Variants in SLC5A4 observed in about 807,000 individuals in gnomAD.
The protein encoded by SLC5A4 is solute carrier family 5 member 4, also known as probable glucose sensor protein SLC5A4.
Under a neutral mutation model 70.3 loss-of-function variants are expected in SLC5A4, and 55 were observed. That is an observed-to-expected ratio of 0.78 (90% confidence interval 0.63 to 0.98). The LOEUF is 0.98. SLC5A4 is among the 50% of genes least tolerant of loss of function. The pLI, the probability that SLC5A4 is intolerant of heterozygous loss-of-function variation, is 0.00. For synonymous variants in SLC5A4, 268 were observed against 305.7 expected (o/e 0.88, Z 1.29); for missense variants, 735 against 839.2 (o/e 0.88, Z 1.53).
the SLC5A4 span, among the ~76,000 whole-genome samples, chr22:32,339,202 G>T: frequency 1.3e-5 from 2 of 152,240 alleles, no homozygotes; most frequent in Non-Finnish European, 2.9e-5. Context: ...GTAGCTGCGT[G>T]TGAGTGGGAT....
At chr22:32,302,081 T>C in the SLC5A4 span, among the ~76,000 whole-genome samples, 1 of 152,134 alleles carries the variant, frequency 6.6e-6, no homozygotes, top group Non-Finnish European at 1.5e-5. Context: ...TAGGCAATGG[T>C]TTCTTAGATA....
rs62239058 is a variant in SLC5A4 at position 32,247,473 on chromosome 22, C to A, written c.415G>T (p.Glu139Ter). 0.013 allele frequency: 21,608 copies of A among 1,613,390 alleles called. 206 individuals carry two copies. The highest frequency in any genetic ancestry group is 0.026 in the South Asian group (2,409 of 91,052). ...PEYLKKRFGGERLQVYLSILS... is the reference protein window; with the variant it reads ...PEYLKKRFGG Reference sequence around the variant, plus strand: ...ATGGAGAGGTAGACCTGGAGTCGCTCCCCACCAAACCGCTTCTTGAGATAT... The same window carrying A: ...ATGGAGAGGTAGACCTGGAGTCGCTACCCACCAAACCGCTTCTTGAGATAT... The change falls in exon 5 of 15, where the codon GAG becomes TAG. Residue 139 changes from glutamate to a stop codon, truncating the protein, a stop_gained. Coordinates refer to ENST00000266086, the MANE Select transcript of SLC5A4 (RefSeq NM_014227.3). LOFTEE classifies it high-confidence loss of function.
chr22:32,285,806 G>C, the SLC5A4 span, among the ~76,000 whole-genome samples: 2,367 of 151,418 alleles, frequency 0.016, 57 homozygotes, highest in African/African-American at 0.054. Flanking sequence ...GCGCGATCTC[G>C]GCTCACTGCA....
chr22:32,274,011 C>A, the SLC5A4 span, among the ~76,000 whole-genome samples: 3 of 151,514 alleles, frequency 2.0e-5, no homozygotes, highest in East Asian at 5.8e-4. Flanking sequence ...AAAACAGTGC[C>A]ACTTTTGGCA....
chr22:32,324,431 ACT>A, the SLC5A4 span, among the ~76,000 whole-genome samples: 1 of 151,840 alleles, frequency 6.6e-6, no homozygotes, highest in Non-Finnish European at 1.5e-5. Context: ...TACCAACAGG[ACT>A]CTTACCGCTT....
At chr22:32,273,181 A>C in the SLC5A4 span, 2 of 381,758 alleles carry the variant, frequency 5.2e-6, no homozygotes, top group African/African-American at 4.2e-5. Context: ...AACACAAGGA[A>C]TATATACTTT....
chr22:32,331,679 G>A, the SLC5A4 span, among the ~76,000 whole-genome samples: 5 of 152,064 alleles, frequency 3.3e-5, no homozygotes, highest in African/African-American at 7.2e-5. Context: ...TGGAGCCCAC[G>A]GATTGTACCT....
intron 3 of SLC5A4, among the ~76,000 whole-genome samples, chr22:32,249,262 C>G (rs77366610): frequency 6.6e-6 from 1 of 152,192 alleles, no homozygotes; most frequent in Non-Finnish European, 1.5e-5. Flanking sequence ...AGATCACTTA[C>G]GCTGCTCTCA....
upstream of SLC5A4, chr22:32,255,412 G>A: frequency 6.7e-7 from 1 of 1,482,882 alleles, no homozygotes; most frequent in Non-Finnish European, 9.3e-7. Context: ...CAGGCAGGTG[G>A]GGCGAGATAT....
the SLC5A4 span, among the ~76,000 whole-genome samples, chr22:32,333,846 T>TAC: frequency 1.6e-4 from 23 of 142,788 alleles, no homozygotes; most frequent in African/African-American, 4.3e-4. Flanking sequence ...CCTCACAATA[T>TAC]ACACACACAC....
the SLC5A4 span, among the ~76,000 whole-genome samples, chr22:32,303,009 A>T: frequency 1.3e-3 from 198 of 151,710 alleles, 1 homozygote; most frequent in Non-Finnish European, 1.5e-3. Flanking sequence ...TCTCTTTTTT[A>T]AAAAAATAAT....
the SLC5A4 span, among the ~76,000 whole-genome samples, chr22:32,354,143 C>T: frequency 6.6e-6 from 1 of 150,660 alleles, no homozygotes; most frequent in Non-Finnish European, 1.5e-5. Flanking sequence ...CCCGCCCCCT[C>T]CCAAAACGGG....
intron 14 of SLC5A4, among the ~76,000 whole-genome samples, chr22:32,220,520 G>A (rs59822278): frequency 6.6e-6 from 1 of 152,270 alleles, no homozygotes; most frequent in African/African-American, 2.4e-5. Context: ...TAGGGAGCTT[G>A]GCGCATGTGG....
At chr22:32,293,609 C>G in the SLC5A4 span, among the ~76,000 whole-genome samples, 1 of 151,964 alleles carries the variant, frequency 6.6e-6, no homozygotes, top group South Asian at 2.1e-4. Context: ...TATTTTATTT[C>G]TGTATATTTT....
At chr22:32,340,143 C>T in the SLC5A4 span, among the ~76,000 whole-genome samples, 1 of 10,206 alleles carries the variant, frequency 9.8e-5, no homozygotes, top group Admixed American at 7.1e-4. Flanking sequence ...CTCTCCGAGC[C>T]TCCTCGGTGT....
At chr22:32,261,472 CAG>C in the SLC5A4 span, among the ~76,000 whole-genome samples, 1 of 152,240 alleles carries the variant, frequency 6.6e-6, no homozygotes, top group Non-Finnish European at 1.5e-5. Flanking sequence ...CATGGCAAGA[CAG>C]AGAGCTGGAG....
At chr22:32,253,136 T>G (rs923309402) in intron 2 of SLC5A4, among the ~76,000 whole-genome samples, 1 of 152,204 alleles carries the variant, frequency 6.6e-6, no homozygotes, top group Admixed American at 6.5e-5. Context: ...GCCAGGACAG[T>G]TGCCCATCTC....
At chr22:32,272,300 G>A in the SLC5A4 span, 2 of 816,250 alleles carry the variant, frequency 2.5e-6, no homozygotes, top group South Asian at 2.8e-5. Flanking sequence ...ACGAGAAGGA[G>A]CAGAAGGGGC....
At chr22:32,271,119 C>A in the SLC5A4 span, 10 of 629,208 alleles carry the variant, frequency 1.6e-5, no homozygotes, top group Non-Finnish European at 2.9e-5. Context: ...CCGACTGGGA[C>A]TCTGTACCCT....
Sources: gnomAD v4.1 joint callset for allele counts (sites outside exome capture counted in the v4.1 genomes callset) on GRCh38, gnomAD v4.1.1 for gene constraint, MANE v1.5 for transcripts, NCBI Gene and HGNC (gene_info 2026-07-23, HGNC 2026-07-21) for gene names.